IFT43: variants seen among roughly 807,000 people sequenced by gnomAD.
IFT43 encodes intraflagellar transport 43.
IFT43 carries 33 observed loss-of-function variants against 32.3 expected under a neutral mutation model. The observed-to-expected ratio is 1.02, with a 90% CI of 0.77 to 1.37. The LOEUF (loss-of-function observed/expected upper bound fraction) is 1.37. Ranked by LOEUF, IFT43 falls within the 40% of genes most tolerant of loss-of-function variation. The pLI, the probability that IFT43 is intolerant of heterozygous loss-of-function variation, is 0.00. For missense variants in IFT43, 274 were observed against 265.9 expected, an observed-to-expected ratio of 1.03 and a Z score of -0.21; for synonymous variants, 93 against 98.2, an observed-to-expected ratio of 0.95 and a Z score of 0.31.
chr14:76,052,054 T>C (rs891429101), intron 3 of IFT43, among the ~76,000 whole-genome samples: 10 of 152,176 alleles, frequency 6.6e-5, no homozygotes, highest in African/African-American at 2.4e-4. Flanking sequence ...TTTCGTCTAT[T>C]TTAAGCCTGT....
At chr14:76,011,375 TTAG>T (rs1457802785) in intron 2 of IFT43, among the ~76,000 whole-genome samples, 1 of 152,206 alleles carries the variant, frequency 6.6e-6, no homozygotes, top group East Asian at 1.9e-4. Context: ...GAAGGCTTGA[TTAG>T]ATTCCAGATG....
chr14:76,028,517 G>C (rs2036448018), intron 3 of IFT43, among the ~76,000 whole-genome samples: 1 of 152,058 alleles, frequency 6.6e-6, no homozygotes, highest in South Asian at 2.1e-4. Context: ...GTTTGTTACA[G>C]GGGTATGTTG....
chr14:76,061,092 G>C (rs2037126284), intron 5 of IFT43, among the ~76,000 whole-genome samples: 2 of 152,096 alleles, frequency 1.3e-5, no homozygotes, highest in Non-Finnish European at 2.9e-5. Flanking sequence ...AGTAGAGACA[G>C]AGTTTTACCA....
At chr14:75,994,520 A>T (rs527495899) in intron 2 of IFT43, among the ~76,000 whole-genome samples, 3 of 152,306 alleles carry the variant, frequency 2.0e-5, no homozygotes, top group South Asian at 4.1e-4. Context: ...AGATCAAATG[A>T]GGTAATGCAT....
intron 3 of IFT43, among the ~76,000 whole-genome samples, chr14:76,042,702 CGCATTG>C (rs2036730021): frequency 6.6e-6 from 1 of 152,198 alleles, no homozygotes; most frequent in East Asian, 1.9e-4. Flanking sequence ...AGTTCAATTA[CGCATTG>C]GAAATGATTG....
intron 1 of IFT43, 174 bp downstream of exon 1, chr14:75,986,014 C>A: frequency 6.6e-7 from 1 of 1,526,040 alleles, no homozygotes; most frequent in Non-Finnish European, 8.8e-7. Context: ...TGGGCTCCGC[C>A]GCTGCTGGCC....
chr14:76,057,170 C>G (rs2037034030), intron 3 of IFT43, among the ~76,000 whole-genome samples: 1 of 152,114 alleles, frequency 6.6e-6, no homozygotes, highest in Non-Finnish European at 1.5e-5. Flanking sequence ...AGTCTAAATT[C>G]CATGGAAAGC....
chr14:76,062,518 T>C lies in IFT43; in HGVS notation c.295+3145T>C, dbSNP rs1263231485. ...ACAGTCTGGATAAACCCATTGTGAGTTGAAAATATTGTAACATAAATCAAA... is the reference window on the plus strand; with the variant it reads ...ACAGTCTGGATAAACCCATTGTGAGCTGAAAATATTGTAACATAAATCAAA... On this transcript the variant is annotated intron_variant, in intron 5 of 8. Transcript: ENST00000314067. Among the ~76,000 whole-genome samples the C allele has an allele frequency of 2.6e-5, 4 of 152,196 alleles. No individual in the cohort carries two copies. The East Asian group carries it at 7.7e-4, about 29-fold the overall frequency.
At chr14:76,018,699 T>C (rs577347935) in intron 2 of IFT43, among the ~76,000 whole-genome samples, 1 of 152,304 alleles carries the variant, frequency 6.6e-6, no homozygotes, top group South Asian at 2.1e-4. Context: ...TCTAATAATA[T>C]TTGCTTTTTA....
chr14:76,048,463 C>T (rs990172423), intron 3 of IFT43, among the ~76,000 whole-genome samples: 20 of 152,214 alleles, frequency 1.3e-4, no homozygotes, highest in African/African-American at 4.8e-4. Flanking sequence ...CTTGTTCTCC[C>T]TTTGATGGAT....
At chr14:75,986,002 T>G in intron 1 of IFT43, 162 bp downstream of exon 1, 3 of 1,527,020 alleles carry the variant, frequency 2.0e-6, no homozygotes, top group Non-Finnish European at 1.8e-6. Context: ...CCCAGGCCAC[T>G]GTGGGCTCCG....
intron 5 of IFT43, among the ~76,000 whole-genome samples, chr14:76,066,350 G>A (rs73314941): frequency 0.18 from 27,211 of 152,146 alleles, 2,607 homozygotes; most frequent in African/African-American, 0.24. Context: ...CCCTCCAGGA[G>A]GGATGCCTCT....
chr14:75,990,127 A>T (rs1272648395), intron 2 of IFT43, among the ~76,000 whole-genome samples: 4 of 152,226 alleles, frequency 2.6e-5, no homozygotes, highest in Admixed American at 2.6e-4. Flanking sequence ...GGGGACTGGG[A>T]ACTGGAGGCC....
intron 5 of IFT43, among the ~76,000 whole-genome samples, chr14:76,065,352 T>C (rs2037209063): frequency 6.6e-6 from 1 of 152,228 alleles, no homozygotes; most frequent in African/African-American, 2.4e-5. Flanking sequence ...TCAACTTTAC[T>C]AAGGCCTGGT....
At chr14:76,080,679 T>C (rs1404120753) in intron 5 of IFT43, among the ~76,000 whole-genome samples, 1 of 152,152 alleles carries the variant, frequency 6.6e-6, no homozygotes, top group African/African-American at 2.4e-5. Flanking sequence ...TGTCCCTCCA[T>C]AGGGCCTGTG....
In IFT43 at chr14:76,009,377, A is replaced by G. The variant is rs557647558; in HGVS notation, c.148-12950A>G. Among the ~76,000 whole-genome samples the G allele has an allele frequency of 8.5e-5, 13 of 152,368 alleles. No individual in the cohort carries two copies. In the South Asian group the frequency reaches 1.4e-3, roughly 17 times the overall value. ...CAAATAATCCTCCTAAAGCTTTCACATATGGTGAAATAGACATTGGATATT... is the reference window on the plus strand; with the variant it reads ...CAAATAATCCTCCTAAAGCTTTCACGTATGGTGAAATAGACATTGGATATT... On this transcript the variant is annotated intron_variant, in intron 2 of 8. Transcript: ENST00000314067.
At chr14:75,999,279 ATATTTTTTTTTTTT>A (rs2035836552) in intron 2 of IFT43, among the ~76,000 whole-genome samples, 1 of 20,672 alleles carries the variant, frequency 4.8e-5, no homozygotes, top group African/African-American at 1.5e-4. Flanking sequence ...ATATGTATAT[ATATTTTTTTTTTTT>A]TTTTTTTAAT....
chr14:76,078,605 G>A (rs1368131829), intron 5 of IFT43, among the ~76,000 whole-genome samples: 1 of 152,250 alleles, frequency 6.6e-6, no homozygotes, highest in African/African-American at 2.4e-5. Flanking sequence ...ACGTGGGACA[G>A]AGAAGCAGGT....
At chr14:75,986,459 A>AG (rs2035530698) in intron 1 of IFT43, among the ~76,000 whole-genome samples, 1 of 151,862 alleles carries the variant, frequency 6.6e-6, no homozygotes, top group South Asian at 2.1e-4. Context: ...AAAAAAAAAA[A>AG]AAACCTAAAA....
Sources: allele counts gnomAD v4.1 joint callset (sites outside exome capture counted in the v4.1 genomes callset), GRCh38; gene constraint gnomAD v4.1.1; transcripts MANE v1.5; gene names NCBI Gene and HGNC (gene_info 2026-07-23, HGNC 2026-07-21).